The following PHEX variants were observed in gnomAD, a reference collection of about 807,000 sequenced individuals.
PHEX encodes phosphate-regulating neutral endopeptidase PHEX.
Under a neutral mutation model 68.0 loss-of-function variants are expected in PHEX, and 16 were observed. That is an observed-to-expected ratio of 0.24 (90% CI 0.16 to 0.36). The LOEUF is 0.36. Ranked by LOEUF, PHEX falls within the 10% of genes least tolerant of loss-of-function variation. The pLI is 1.00. For synonymous variants in PHEX, 208 were observed against 205.1 expected, an observed-to-expected ratio of 1.01 and a Z score of -0.12; for missense variants, 480 against 575.5, an observed-to-expected ratio of 0.83 and a Z score of 1.70.
At position 22,221,603 on chromosome X, in the gene PHEX, C is replaced by T. The variant is rs3752433; in HGVS notation, c.1769-10C>T. On this transcript the variant is annotated splice_polypyrimidine_tract_variant and intron_variant, in intron 17 of 21. Transcript: ENST00000379374. ...TAACACAAATGTCTTCGAACTTTTC[C>T]TTTTGCTAGGTAGAAAATATGATAA... The T allele has an allele frequency of 0.3, 354,509 of 1,189,912 alleles. 39,137 individuals carry two copies. The highest frequency in any genetic ancestry group is 0.46 in the African/African-American group (25,773 of 56,339).
intron 11 of PHEX, among the ~76,000 whole-genome samples, chrX:22,119,182 C>G (rs1931375693): frequency 8.9e-6 from 1 of 111,836 alleles, no homozygotes; most frequent in South Asian, 3.7e-4. Context: ...GCCACTACCC[C>G]TGGCCTCCAT....
chrX:22,243,560 T>TA (rs1287845817), intron 20 of PHEX, among the ~76,000 whole-genome samples: 1 of 111,867 alleles, frequency 8.9e-6, no homozygotes, highest in Non-Finnish European at 1.9e-5. Context: ...ATCCAGAATC[T>TA]ACAAAGGACT....
chrX:22,161,472 A>G (rs968016637), intron 12 of PHEX, among the ~76,000 whole-genome samples: 2 of 112,924 alleles, frequency 1.8e-5, no homozygotes, highest in Non-Finnish European at 3.7e-5. Context: ...TGTGAACAGC[A>G]CTGAATGATG....
intron 15 of PHEX, among the ~76,000 whole-genome samples, chrX:22,191,266 G>A (rs1028793319): frequency 2.7e-5 from 3 of 111,932 alleles, no homozygotes; most frequent in African/African-American, 9.7e-5. Flanking sequence ...GGCCTCAAGT[G>A]ATCTGCCCAC....
chrX:22,229,778 CCATTGCTTTTGGTGT>C (rs1432896745), intron 20 of PHEX, among the ~76,000 whole-genome samples: 1 of 112,038 alleles, frequency 8.9e-6, no homozygotes, highest in Non-Finnish European at 1.9e-5. Context: ...GCTTTTGTTG[CCATTGCTTTTGGTGT>C]TTTGGACATG....
chrX:22,132,445 T>C (rs1010461533), intron 11 of PHEX, among the ~76,000 whole-genome samples: 1 of 111,165 alleles, frequency 9.0e-6, no homozygotes, highest in Admixed American at 9.6e-5. Context: ...ACAAGACTTT[T>C]CTGAGCTGCC....
intron 20 of PHEX, among the ~76,000 whole-genome samples, chrX:22,241,546 A>C (rs1240139134): frequency 8.9e-6 from 1 of 111,924 alleles, no homozygotes; most frequent in Admixed American, 9.5e-5. Context: ...AAAGAATAAA[A>C]GAGGGAAGAA....
chrX:22,141,708 T>C (rs1307603059), intron 12 of PHEX, among the ~76,000 whole-genome samples: 1 of 111,976 alleles, frequency 8.9e-6, no homozygotes, highest in Non-Finnish European at 1.9e-5. Context: ...TATTATTGTT[T>C]TAAAAATCTA....
At chrX:22,040,317 G>A (rs900836289) in intron 2 of PHEX, among the ~76,000 whole-genome samples, 1 of 111,810 alleles carries the variant, frequency 8.9e-6, no homozygotes, top group Non-Finnish European at 1.9e-5. Context: ...CCAGGTATGG[G>A]AAGAAAGACA....
Position 22,245,358 on chromosome X carries a change from A to T in PHEX, c.2096A>T (p.Glu699Val), listed in dbSNP as rs2147214010. The T allele has an allele frequency of 8.3e-7, 1 of 1,209,271 alleles. No homozygotes were observed. Among genetic ancestry groups the T allele is most frequent in the Non-Finnish European group, 1.1e-6 (1 of 893,338 alleles). The change falls in exon 21 of 22, where the codon GAA becomes GTA. Residue 699 changes from glutamate (E) to valine (V), a missense_variant. Glu to Val is a moderately radical substitution (Grantham distance 121, BLOSUM62 -2). Transcript: ENST00000379374. ...GTGAGGTGCAATTCCTACAGACCAG[A>T]AGCTGCCCGAGAACAAGTCCAAATT... The part of the protein sequence containing the change: ...AHVRCNSYRP[E>V]AAREQVQIGA...
intron 18 of PHEX, 68 bp downstream of exon 18, chrX:22,221,811 T>C: frequency 1.0e-6 from 1 of 982,443 alleles, no homozygotes; most frequent in East Asian, 3.1e-5. Context: ...ATTAGCTTGC[T>C]TTAAACCATT....
intron 20 of PHEX, among the ~76,000 whole-genome samples, chrX:22,233,819 C>T (rs377371561): frequency 2.5e-4 from 28 of 111,704 alleles, no homozygotes; most frequent in African/African-American, 9.1e-4. Flanking sequence ...TCTGTCAATT[C>T]GTCAAAATCA....
At position 22,072,916 on chromosome X, in the gene PHEX, T is replaced by G. The variant is rs1302515424; in HGVS notation, c.350-3472T>G. 2.3e-4 allele frequency among the ~76,000 whole-genome samples: 26 copies of G among 112,232 alleles called. No homozygotes were observed. The Admixed American group carries it at 2.5e-3, about 11-fold the overall frequency. The stretch of plus-strand genomic sequence containing the variant: ...GAAAAATTTACATAAAAAAAGAAAA[T>G]GCTTTGCTGTCCAGGATGAAGAATG... On this transcript the variant is annotated intron_variant, in intron 3 of 21. Coordinates refer to ENST00000379374, the MANE Select transcript of PHEX (RefSeq NM_000444.6).
chrX:22,212,000 C>T (rs1934943638), intron 15 of PHEX, among the ~76,000 whole-genome samples: 1 of 111,726 alleles, frequency 9.0e-6, no homozygotes, highest in East Asian at 2.8e-4. Flanking sequence ...GGGACTATTA[C>T]AATTCAAGGT....
chrX:22,104,690 T>C (rs911992008), intron 9 of PHEX, among the ~76,000 whole-genome samples: 1 of 111,188 alleles, frequency 9.0e-6, no homozygotes, highest in Non-Finnish European at 1.9e-5. Flanking sequence ...CCCCCTCAAT[T>C]CTCCTCCTCA....
At chrX:22,069,954 G>T (rs900002494) in intron 3 of PHEX, among the ~76,000 whole-genome samples, 2 of 111,275 alleles carry the variant, frequency 1.8e-5, no homozygotes, top group Non-Finnish European at 3.8e-5. Context: ...AGTGCATAAG[G>T]GTTTAATACC....
chrX:22,080,730 C>CA (rs376410869), intron 5 of PHEX, among the ~76,000 whole-genome samples: 12 of 73,010 alleles, frequency 1.6e-4, no homozygotes, highest in Non-Finnish European at 2.6e-4. Context: ...AAAAAACAAA[C>CA]AAAAAAAATA....
At chrX:22,122,984 ATTT>A (rs34894623) in intron 11 of PHEX, among the ~76,000 whole-genome samples, 10 of 72,257 alleles carry the variant, frequency 1.4e-4, no homozygotes, top group Middle Eastern at 6.4e-3. Flanking sequence ...TAGGGTCTGC[ATTT>A]TTTTTTTTTT....
At chrX:22,213,224 G>T (rs931046216) in intron 16 of PHEX, among the ~76,000 whole-genome samples, 4 of 112,130 alleles carry the variant, frequency 3.6e-5, no homozygotes, top group African/African-American at 1.3e-4. Context: ...CATACTACCA[G>T]TATTTGGACA....
Sources: allele counts gnomAD v4.1 joint callset (sites outside exome capture counted in the v4.1 genomes callset), GRCh38; gene constraint gnomAD v4.1.1; transcripts MANE v1.5; gene names NCBI Gene and HGNC (gene_info 2026-07-23, HGNC 2026-07-21).